Variants in DST observed in about 807,000 individuals in gnomAD.
DST encodes the protein bullous pemphigoid antigen.
A neutral mutation model predicts 875.2 loss-of-function variants in DST; 253 were observed. The ratio of observed to expected loss-of-function variants is 0.29; its 90% CI spans 0.26 to 0.32. The LOEUF (loss-of-function observed/expected upper bound fraction) is 0.32, where lower values mean the gene tolerates loss of function less well. DST is among the 10% of genes least tolerant of loss of function. DST has a pLI of 1.00. For synonymous variants in DST, 3,124 were observed against 3,197.1 expected, an observed-to-expected ratio of 0.98 and a Z score of 0.77; for missense variants, 8,287 against 9,111.6, an observed-to-expected ratio of 0.91 and a Z score of 3.68.
chr6:56,633,247 G>A, intron 27 of DST, among the ~76,000 whole-genome samples: 2 of 114,368 alleles, frequency 1.7e-5, no homozygotes, highest in African/African-American at 1.4e-4. Context: ...TTTTTTTTGA[G>A]ACGGAGTCTC....
At chr6:56,778,075 T>G (rs2099682896) in intron 4 of DST, among the ~76,000 whole-genome samples, 2 of 152,132 alleles carry the variant, frequency 1.3e-5, no homozygotes, top group Admixed American at 6.5e-5. Flanking sequence ...GTTCAGTTAT[T>G]CCAGTTACAA....
chr6:56,616,929 T>TA, intron 36 of DST: 1 of 1,607,958 alleles, frequency 6.2e-7, no homozygotes, highest in African/African-American at 1.3e-5. Context: ...GGATCAATTA[T>TA]AAAACCTGTT....
chr6:56,710,085 T>A (rs2099357222), intron 5 of DST, among the ~76,000 whole-genome samples: 1 of 152,102 alleles, frequency 6.6e-6, no homozygotes, highest in Non-Finnish European at 1.5e-5. Flanking sequence ...CCATAATATC[T>A]CTGACCAATA....
rs189517167 is a variant in DST, at chr6:56,526,792, C to T, written c.17923-225G>A. Among the ~76,000 whole-genome samples, 296 of 151,700 alleles carry T rather than the reference C, an allele frequency of 2.0e-3. 1 individual carries two copies. The highest frequency in any genetic ancestry group is 6.5e-3 in the African/African-American group (270 of 41,298). ...TCAAAGAACAATTCATTTGTCGACA[C>T]GGCAAGATTTTATCTTTGAAATTTA... is the stretch of plus-strand genomic sequence containing the variant. On this transcript the variant is annotated intron_variant, in intron 68 of 103. Coordinates refer to ENST00000680361, the MANE Select transcript of DST (RefSeq NM_001374736.1).
rs761234808 is a variant in DST, at chr6:56,482,160, C to A, written c.21421G>T (p.Val7141Leu). 7 of 1,604,890 alleles carry A rather than the reference C, an allele frequency of 4.4e-6. No homozygotes were observed. The highest frequency in any genetic ancestry group is 6.0e-6 in the Non-Finnish European group (7 of 1,172,590). ...AGCCACTCCAAGAGGGCATGTACCACCGAGTGGAATTCCTCTGCCTAAGAG... is the reference window on the plus strand; with the variant it reads ...AGCCACTCCAAGAGGGCATGTACCAACGAGTGGAATTCCTCTGCCTAAGAG... ...ALRQAEEFHS[V>L]VHALLEWLAE... Residue 7141 changes from valine to leucine, a missense_variant, in exon 90 of 104, where the codon GTG (valine) becomes TTG (leucine). By Grantham distance (32) the Val-to-Leu change is conservative. Around this residue, in one of 10 missense-constraint regions of DST, gnomAD observed 1,292 missense variants for 1,552.7 expected, o/e 0.83. Coordinates refer to ENST00000680361, the MANE Select transcript of DST (RefSeq NM_001374736.1).
chr6:56,916,239 C>T (rs1800860460), intron 2 of DST, among the ~76,000 whole-genome samples: 1 of 152,174 alleles, frequency 6.6e-6, no homozygotes, highest in African/African-American at 2.4e-5. Context: ...AGTTCAAGCA[C>T]AGCAGGACCT....
At chr6:56,913,565 C>A (rs1199498953) in intron 2 of DST, among the ~76,000 whole-genome samples, 7 of 152,138 alleles carry the variant, frequency 4.6e-5, no homozygotes, top group African/African-American at 9.7e-5. Flanking sequence ...GATCATATGA[C>A]CTGCAAAGTC....
At chr6:56,482,411 AT>A in intron 89 of DST, 1 of 535,496 alleles carries the variant, frequency 1.9e-6, no homozygotes, top group Non-Finnish European at 3.0e-6. Flanking sequence ...TAACAACTTG[AT>A]TTTAGATGAA....
At chr6:56,577,487 T>G (rs2097890346) in intron 50 of DST, among the ~76,000 whole-genome samples, 1 of 152,214 alleles carries the variant, frequency 6.6e-6, no homozygotes, top group South Asian at 2.1e-4. Context: ...TTCACATGAC[T>G]TATACATACA....
chr6:56,466,224 A>G, intron 98 of DST, 29 bp from the exon 99 acceptor site: 2 of 1,455,796 alleles, frequency 1.4e-6, no homozygotes, highest in East Asian at 2.4e-5. Flanking sequence ...AAGAACCTCT[A>G]GTTGTCAATA....
intron 99 of DST, among the ~76,000 whole-genome samples, chr6:56,465,867 T>TAAAAAAAA (rs11359681): frequency 8.9e-6 from 1 of 112,410 alleles, no homozygotes; most frequent in African/African-American, 3.0e-5. Flanking sequence ...CCAGAAAAAG[T>TAAAAAAAA]AAAAAAAAAA....
In DST at chr6:56,508,576, G is replaced by T. The variant is rs2096396636; in HGVS notation, c.19192C>A (p.Pro6398Thr). 2 of 1,613,638 alleles carry T rather than the reference G, an allele frequency of 1.2e-6. No homozygotes were observed. Among genetic ancestry groups the T allele is most frequent in the African/African-American group, 1.3e-5 (1 of 74,872 alleles). ...TTTACTACTGAAGGATCAATTCCAG[G>T]ATCTTCCAGGTCCCGGATGAAATCT... ...TQDFIRDLED[P>T]GIDPSVVKQQ... is the part of the protein sequence containing the mutation. The change falls in exon 75 of 104, where the codon CCT becomes ACT. Residue 6398 changes from proline (P) to threonine (T), a missense_variant. Coordinates refer to ENST00000680361, the MANE Select transcript of DST (RefSeq NM_001374736.1).
chr6:56,669,270 C>G (rs1588175861), intron 10 of DST, among the ~76,000 whole-genome samples: 1 of 108,302 alleles, frequency 9.2e-6, no homozygotes, highest in African/African-American at 3.5e-5. Flanking sequence ...AACAACCTGA[C>G]ATAATATTTG....
At chr6:56,886,479 T>C (rs1338248296) in intron 3 of DST, among the ~76,000 whole-genome samples, 4 of 152,184 alleles carry the variant, frequency 2.6e-5, no homozygotes, top group Non-Finnish European at 4.4e-5. Context: ...TCCAAAGCTA[T>C]AATTTTCCTG....
intron 60 of DST, among the ~76,000 whole-genome samples, chr6:56,554,305 C>T (rs553429207): frequency 1.3e-5 from 2 of 151,970 alleles, no homozygotes; most frequent in East Asian, 1.9e-4. Context: ...AGGATGGTCT[C>T]GATCTCCTGA....
intron 3 of DST, chr6:56,871,098 T>C (rs919252873): frequency 3.6e-6 from 2 of 549,386 alleles, no homozygotes; most frequent in Non-Finnish European, 6.5e-6. Flanking sequence ...AGAAAACATA[T>C]ATGGCTAATA....
At position 56,604,825 on chromosome 6, in the gene DST, A is replaced by G. The variant is rs2098479787; in HGVS notation, c.9803T>C (p.Ile3268Thr). Residue 3268 changes from isoleucine (I) to threonine (T), a missense_variant, in exon 40 of 104, where the codon ATT becomes ACT. By Grantham distance (89) the Ile-to-Thr change is moderately conservative (BLOSUM62 -1). This residue lies in a region of DST where 3,138 missense variants were observed against 3,116.6 expected (regional missense o/e 1.01). Coordinates refer to ENST00000680361, the MANE Select transcript of DST (RefSeq NM_001374736.1). ...AGATAATATTGAAAGTGTGGCTTCA[A>G]TACTTTCTGGTGTGAACTGAGAAAT... ...TEISQFTPES[I>T]EATLSILSRK... 2 of 1,612,834 alleles carry G rather than the reference A, an allele frequency of 1.2e-6. No homozygotes were observed. Among genetic ancestry groups the G allele is most frequent in the Non-Finnish European group, 1.7e-6 (2 of 1,179,298 alleles).
chr6:56,460,963 A>C (rs2094299053), intron 102 of DST: 1 of 152,142 alleles, frequency 6.6e-6, no homozygotes, highest in African/African-American at 2.4e-5. Flanking sequence ...TTTATTATAC[A>C]ATCATTGCAC....
intron 4 of DST, among the ~76,000 whole-genome samples, chr6:56,821,506 A>G (rs1023328224): frequency 1.1e-4 from 16 of 152,224 alleles, no homozygotes; most frequent in African/African-American, 3.6e-4. Context: ...ATTAAACCAG[A>G]AATGAGAATA....
Sources: allele counts gnomAD v4.1 joint callset (sites outside exome capture counted in the v4.1 genomes callset), GRCh38; gene constraint gnomAD v4.1.1; regional missense constraint gnomAD v4.1.1; transcripts MANE v1.5; gene names NCBI Gene and HGNC (gene_info 2026-07-23, HGNC 2026-07-21).